The following MBNL2 variants were observed in gnomAD, a reference collection of about 807,000 sequenced individuals.
MBNL2 encodes the protein muscleblind-like protein 2.
Under a neutral mutation model 41.9 loss-of-function variants are expected in MBNL2, and 17 were observed. That is an observed-to-expected ratio of 0.41 (90% CI 0.28 to 0.61). MBNL2 has a LOEUF of 0.61. MBNL2 is among the 20% of genes least tolerant of loss of function. The probability of loss-of-function intolerance (pLI) is 0.35; values close to 1 mark genes in which losing one functional copy is unlikely to be tolerated. For synonymous variants in MBNL2, 195 were observed against 182.9 expected, an observed-to-expected ratio of 1.07 and a Z score of -0.53; for missense variants, 336 against 505.6, an observed-to-expected ratio of 0.66 and a Z score of 3.22.
the MBNL2 span, among the ~76,000 whole-genome samples, chr13:97,148,508 A>G: frequency 6.6e-6 from 1 of 152,206 alleles, no homozygotes; most frequent in African/African-American, 2.4e-5. Context: ...TAACAAATGT[A>G]CCAGTCTTTT....
intron 2 of MBNL2, among the ~76,000 whole-genome samples, chr13:97,288,279 T>G (rs1282377877): frequency 6.6e-6 from 1 of 152,164 alleles, no homozygotes; most frequent in Non-Finnish European, 1.5e-5. Context: ...ACCAGCAAAC[T>G]CACTCATTTG....
At chr13:97,143,430 A>C in the MBNL2 span, among the ~76,000 whole-genome samples, 1 of 152,208 alleles carries the variant, frequency 6.6e-6, no homozygotes, top group Non-Finnish European at 1.5e-5. Context: ...TGCCGTTGAA[A>C]TCTATCCAGG....
chr13:97,202,632 A>G, the MBNL2 span, among the ~76,000 whole-genome samples: 1 of 152,220 alleles, frequency 6.6e-6, no homozygotes, highest in Non-Finnish European at 1.5e-5. Flanking sequence ...ATAAGTATTA[A>G]ATTAAAGACG....
At chr13:97,246,514 G>A (rs894099002) in intron 1 of MBNL2, among the ~76,000 whole-genome samples, 5 of 152,050 alleles carry the variant, frequency 3.3e-5, no homozygotes, top group Non-Finnish European at 5.9e-5. Flanking sequence ...TCTGAATATC[G>A]TCCTGACATT....
chr13:97,341,458 T>C (rs1448860303), intron 3 of MBNL2, among the ~76,000 whole-genome samples: 1 of 152,234 alleles, frequency 6.6e-6, no homozygotes, highest in African/African-American at 2.4e-5. Flanking sequence ...AAATCATAAC[T>C]TTCTATAATT....
chr13:97,313,654 C>G (rs1029541243), intron 2 of MBNL2, among the ~76,000 whole-genome samples: 1 of 152,202 alleles, frequency 6.6e-6, no homozygotes, highest in African/African-American at 2.4e-5. Flanking sequence ...CCCTGCAGCA[C>G]TGCTCCAAAA....
intron 1 of MBNL2, among the ~76,000 whole-genome samples, chr13:97,238,361 T>C (rs1033789835): frequency 5.9e-5 from 9 of 152,108 alleles, no homozygotes; most frequent in Admixed American, 4.6e-4. Context: ...AAATCCAAAG[T>C]GAAGAGCATT....
At chr13:97,202,627 T>C in the MBNL2 span, among the ~76,000 whole-genome samples, 3 of 152,230 alleles carry the variant, frequency 2.0e-5, no homozygotes, top group Admixed American at 2.0e-4. Flanking sequence ...AAAAAATAAG[T>C]ATTAAATTAA....
chr13:97,280,179 C>T (rs1047585479), intron 2 of MBNL2, among the ~76,000 whole-genome samples: 4 of 152,172 alleles, frequency 2.6e-5, no homozygotes, highest in Admixed American at 6.5e-5. Context: ...ATCCATGAAA[C>T]GCTTTCCCTC....
In MBNL2 at chr13:97,334,154, A is replaced by ACACC; in HGVS notation, c.175-119_175-118insCCAC. ...TGAGCATGCGCGCGCACACCCACAC[A>ACACC]CACACACACACACACACACACAGGA... is the stretch of plus-strand genomic sequence containing the variant. On this transcript the variant is annotated intron_variant, in intron 2 of 8. Coordinates refer to ENST00000679496, the MANE Select transcript of MBNL2 (RefSeq NM_001382683.1). The surrounding 1 kb of genome is among the most constrained non-coding windows in gnomAD (Gnocchi z 5.3). 1.5e-6 allele frequency: 1 copy of ACACC among 671,836 alleles called. No homozygotes were observed. Among genetic ancestry groups the ACACC allele is most frequent in the Non-Finnish European group, 2.5e-6 (1 of 401,266 alleles). 41.6% of individuals were successfully genotyped at this position (671,836 alleles called of 1,614,324 possible).
the MBNL2 span, among the ~76,000 whole-genome samples, chr13:97,208,497 G>A: frequency 3.4e-4 from 52 of 152,326 alleles, no homozygotes; most frequent in East Asian, 7.1e-3. Context: ...AACTACAAAA[G>A]TAAAAGCTGA....
intron 7 of MBNL2, chr13:97,362,825 T>C (rs1482428361): frequency 6.6e-6 from 1 of 152,266 alleles, no homozygotes; most frequent in Non-Finnish European, 1.5e-5. Context: ...ACTTCAGATG[T>C]GGCAGTAGTG....
At chr13:97,381,907 T>G (rs2065486725) in intron 8 of MBNL2, among the ~76,000 whole-genome samples, 1 of 152,082 alleles carries the variant, frequency 6.6e-6, no homozygotes, top group Non-Finnish European at 1.5e-5. Flanking sequence ...TGTTACATAA[T>G]ATTAAGACCT....
At chr13:97,264,337 T>C (rs1003946631) in intron 1 of MBNL2, among the ~76,000 whole-genome samples, 6 of 152,168 alleles carry the variant, frequency 3.9e-5, no homozygotes, top group African/African-American at 1.4e-4. Context: ...GAGAAGATTA[T>C]TATTTAACTT....
At chr13:97,143,187 G>T in the MBNL2 span, among the ~76,000 whole-genome samples, 1 of 152,190 alleles carries the variant, frequency 6.6e-6, no homozygotes, top group Admixed American at 6.5e-5. Context: ...TAGTTGTAAA[G>T]TTTTGTCAAC....
chr13:97,242,980 C>T (rs1455423547), intron 1 of MBNL2, among the ~76,000 whole-genome samples: 1 of 152,202 alleles, frequency 6.6e-6, no homozygotes, highest in East Asian at 1.9e-4. Context: ...TGAGCGCATG[C>T]GCTCCTGTGC....
intron 8 of MBNL2, among the ~76,000 whole-genome samples, chr13:97,384,928 T>C (rs940523789): frequency 1.3e-5 from 2 of 152,120 alleles, no homozygotes; most frequent in African/African-American, 4.8e-5. Context: ...ATTTTCCCCT[T>C]TATCTATAAT....
intron 2 of MBNL2, among the ~76,000 whole-genome samples, chr13:97,331,546 T>C (rs1201566393): frequency 6.6e-6 from 1 of 152,192 alleles, no homozygotes; most frequent in Non-Finnish European, 1.5e-5. Flanking sequence ...TTTTAACTAT[T>C]GCTAATGAAT....
At position 97,329,361 on chromosome 13, in the gene MBNL2, G is replaced by A. The variant is rs145766311; in HGVS notation, c.175-4915G>A. 1.5e-3 allele frequency among the ~76,000 whole-genome samples: 228 copies of A among 152,196 alleles called. 3 individuals are homozygous for A. The South Asian group carries it at 0.017, about 12-fold the overall frequency. On this transcript the variant is annotated intron_variant, in intron 2 of 8. Coordinates refer to ENST00000679496, the MANE Select transcript of MBNL2 (RefSeq NM_001382683.1). The stretch of plus-strand genomic sequence containing the variant: ...AAATATGAAATATAATAATCAGGGT[G>A]CGATTTAAATGTAGCATAAAGCATA...
Sources: gnomAD v4.1 joint callset for allele counts (sites outside exome capture counted in the v4.1 genomes callset) on GRCh38, gnomAD v4.1.1 for gene constraint, Gnocchi (gnomAD v3.1) non-coding constraint, MANE v1.5 for transcripts, NCBI Gene and HGNC (gene_info 2026-07-23, HGNC 2026-07-21) for gene names.